ASCC3: variants seen among roughly 807,000 people sequenced by gnomAD.
ASCC3 encodes the protein ASC-1 complex subunit P200.
ASCC3 carries 158 observed loss-of-function variants against 256.3 expected under a neutral mutation model. The observed-to-expected ratio is 0.62, with a 90% CI of 0.54 to 0.70. The LOEUF (loss-of-function observed/expected upper bound fraction) is 0.70, where lower values mean the gene tolerates loss of function less well. Ranked by LOEUF, ASCC3 falls within the 30% of genes least tolerant of loss-of-function variation. The pLI, the probability that ASCC3 is intolerant of heterozygous loss-of-function variation, is 0.00. For missense variants in ASCC3, 2,259 were observed against 2,626.0 expected, an observed-to-expected ratio of 0.86 and a Z score of 3.05; for synonymous variants, 948 against 883.4, an observed-to-expected ratio of 1.07 and a Z score of -1.30.
intron 8 of ASCC3, among the ~76,000 whole-genome samples, chr6:100,798,229 A>C (rs1019437554): frequency 2.0e-5 from 3 of 152,138 alleles, no homozygotes; most frequent in Non-Finnish European, 4.4e-5. Flanking sequence ...AATTTTAACA[A>C]ATGGTGAATC....
chr6:100,679,073 G>A (rs1777160485), intron 14 of ASCC3, among the ~76,000 whole-genome samples: 1 of 152,048 alleles, frequency 6.6e-6, no homozygotes, highest in African/African-American at 2.4e-5. Context: ...CTGGTTTGGC[G>A]AGTCCGGGTT....
Position 100,759,462 on chromosome 6 carries a change from GC to G in ASCC3, c.1737+7102del, listed in dbSNP as rs1450380108. ...AGTTTGAGTTTTCTGCATATGGCTA[GC>G]CAGTTTTCCCAGCACCATTTATTGA... On this transcript the variant is annotated intron_variant, in intron 10 of 41. Coordinates refer to ENST00000369162, the MANE Select transcript of ASCC3 (RefSeq NM_006828.4). 1.1e-4 allele frequency among the ~76,000 whole-genome samples: 17 copies of G among 152,246 alleles called. No individual in the cohort carries two copies. In the East Asian group the frequency reaches 2.7e-3, roughly 24 times the overall value.
At chr6:100,584,115 G>A (rs1025451705) in intron 36 of ASCC3, among the ~76,000 whole-genome samples, 19 of 151,552 alleles carry the variant, frequency 1.3e-4, no homozygotes, top group South Asian at 6.4e-4. Flanking sequence ...GCTTGGTGCA[G>A]AGCTGAGTTC....
chr6:100,631,044 C>A, intron 26 of ASCC3, 84 bp downstream of exon 26: 1 of 959,866 alleles, frequency 1.0e-6, no homozygotes. Context: ...ACTGTAAAAC[C>A]ATTCAACAGT....
intron 36 of ASCC3, among the ~76,000 whole-genome samples, chr6:100,586,413 C>A (rs951531025): frequency 6.6e-6 from 1 of 152,190 alleles, no homozygotes; most frequent in African/African-American, 2.4e-5. Context: ...TCTCCTGATG[C>A]GCCATTTTTT....
intron 36 of ASCC3, among the ~76,000 whole-genome samples, chr6:100,560,502 CAG>C (rs1441679573): frequency 2.6e-5 from 4 of 152,086 alleles, no homozygotes; most frequent in South Asian, 2.1e-4. Flanking sequence ...ACAAGCATAA[CAG>C]AAAAAATTAA....
chr6:100,697,500 T>A (rs1218111653), intron 13 of ASCC3, among the ~76,000 whole-genome samples: 1 of 151,906 alleles, frequency 6.6e-6, no homozygotes, highest in East Asian at 1.9e-4. Context: ...CTGGTTTAAA[T>A]CTAATTTTAT....
chr6:100,676,328 T>C (rs1486808789), intron 14 of ASCC3, among the ~76,000 whole-genome samples: 1 of 152,216 alleles, frequency 6.6e-6, no homozygotes, highest in Non-Finnish European at 1.5e-5. Flanking sequence ...TTTACTCCAT[T>C]ATTATTCCAT....
intron 36 of ASCC3, among the ~76,000 whole-genome samples, chr6:100,559,378 A>G (rs1458121122): frequency 6.6e-6 from 1 of 152,196 alleles, no homozygotes; most frequent in Non-Finnish European, 1.5e-5. Context: ...ACAAAACAAA[A>G]CAAAAAACCC....
intron 36 of ASCC3, among the ~76,000 whole-genome samples, chr6:100,577,018 C>T (rs1770905183): frequency 6.7e-6 from 1 of 150,046 alleles, no homozygotes; most frequent in Non-Finnish European, 1.5e-5. Context: ...TATTAACAGA[C>T]TGCCACATTA....
At chr6:100,752,566 C>A (rs969316435) in intron 10 of ASCC3, among the ~76,000 whole-genome samples, 1 of 152,110 alleles carries the variant, frequency 6.6e-6, no homozygotes, top group Non-Finnish European at 1.5e-5. Context: ...ACTTTGTCAT[C>A]CTATGTGCTC....
intron 10 of ASCC3, among the ~76,000 whole-genome samples, chr6:100,759,880 T>C (rs1412813456): frequency 6.6e-6 from 1 of 152,212 alleles, no homozygotes; most frequent in Non-Finnish European, 1.5e-5. Context: ...ACATCGCTTG[T>C]TAGCTGTATT....
At chr6:100,785,557 A>G (rs1036303291) in intron 8 of ASCC3, among the ~76,000 whole-genome samples, 5 of 152,072 alleles carry the variant, frequency 3.3e-5, no homozygotes, top group Admixed American at 3.3e-4. Context: ...ATGCAGTACC[A>G]TGTCTGGCTA....
intron 1 of ASCC3, among the ~76,000 whole-genome samples, chr6:100,868,657 A>G (rs1274429543): frequency 6.6e-6 from 1 of 152,258 alleles, no homozygotes; most frequent in African/African-American, 2.4e-5. Flanking sequence ...AAGCTTCATG[A>G]CAGAAAGATC....
intron 36 of ASCC3, among the ~76,000 whole-genome samples, chr6:100,554,529 T>C (rs1462555000): frequency 1.3e-5 from 2 of 152,178 alleles, no homozygotes; most frequent in Non-Finnish European, 2.9e-5. Flanking sequence ...ACTTAATCTC[T>C]GTCATGGGAA....
intron 8 of ASCC3, among the ~76,000 whole-genome samples, chr6:100,789,829 C>T (rs2172843): frequency 0.94 from 142,904 of 151,950 alleles, 67,517 homozygotes; most frequent in South Asian, 0.99. Context: ...TCCCTTTATA[C>T]ACTGATTCCC....
intron 30 of ASCC3, among the ~76,000 whole-genome samples, chr6:100,618,338 A>G (rs1012096899): frequency 1.3e-5 from 2 of 152,212 alleles, no homozygotes; most frequent in Non-Finnish European, 2.9e-5. Flanking sequence ...GTATTACTGG[A>G]GGACAGAAAG....
intron 10 of ASCC3, among the ~76,000 whole-genome samples, chr6:100,726,183 C>T (rs1206286530): frequency 6.6e-6 from 1 of 151,738 alleles, no homozygotes; most frequent in Non-Finnish European, 1.5e-5. Context: ...CATAAATATA[C>T]CCAGAGATCA....
chr6:100,524,935 T>C (rs1316770247), intron 37 of ASCC3, among the ~76,000 whole-genome samples: 1 of 151,832 alleles, frequency 6.6e-6, no homozygotes, highest in Non-Finnish European at 1.5e-5. Context: ...CTCACGCCTG[T>C]AATCCCAGCA....
Sources: allele counts gnomAD v4.1 joint callset (sites outside exome capture counted in the v4.1 genomes callset), GRCh38; gene constraint gnomAD v4.1.1; transcripts MANE v1.5; gene names NCBI Gene and HGNC (gene_info 2026-07-23, HGNC 2026-07-21).